Variants in RNF19A observed in about 807,000 individuals in gnomAD.
RNF19A encodes ring finger protein 19A, RBR E3 ubiquitin protein ligase, also known as E3 ubiquitin-protein ligase RNF19A.
A neutral mutation model predicts 75.7 loss-of-function variants in RNF19A; 32 were observed. That is an observed-to-expected ratio of 0.42 (90% CI 0.32 to 0.57). The LOEUF (loss-of-function observed/expected upper bound fraction) is 0.57, where lower values mean the gene tolerates loss of function less well. Among genes scored for constraint, RNF19A ranks in the 20% least tolerant of loss-of-function variants. RNF19A has a pLI of 0.10. For synonymous variants in RNF19A, 335 were observed against 345.2 expected, an observed-to-expected ratio of 0.97 and a Z score of 0.33; for missense variants, 782 against 1,036.3, an observed-to-expected ratio of 0.75 and a Z score of 3.37.
chr8:100,320,095 C>T (rs1788204344), intron 1 of RNF19A, among the ~76,000 whole-genome samples: 3 of 152,196 alleles, frequency 2.0e-5, no homozygotes, highest in Admixed American at 2.0e-4. Flanking sequence ...CTCAGCCTCC[C>T]AAAGTGCTGG....
intron 2 of RNF19A, among the ~76,000 whole-genome samples, chr8:100,278,704 A>G (rs1279849558): frequency 6.6e-6 from 1 of 152,178 alleles, no homozygotes; most frequent in African/African-American, 2.4e-5. Context: ...AGGCTGTTCA[A>G]TATACTAGTA....
chr8:100,270,856 G>C (rs1336352846), intron 3 of RNF19A, among the ~76,000 whole-genome samples: 1 of 152,066 alleles, frequency 6.6e-6, no homozygotes, highest in Non-Finnish European at 1.5e-5. Flanking sequence ...ATGCACAATG[G>C]CGTCAAGTTA....
intron 5 of RNF19A, among the ~76,000 whole-genome samples, chr8:100,265,028 G>C (rs1819906160): frequency 6.6e-6 from 1 of 152,134 alleles, no homozygotes; most frequent in Non-Finnish European, 1.5e-5. Flanking sequence ...AAAGTTCTGA[G>C]TAAAAGTCAT....
intron 3 of RNF19A, among the ~76,000 whole-genome samples, chr8:100,271,360 T>C (rs1012533402): frequency 6.6e-6 from 1 of 152,156 alleles, no homozygotes; most frequent in Non-Finnish European, 1.5e-5. Context: ...ATTTTAAACA[T>C]TGGGGTATGA....
At chr8:100,303,762 A>G (rs1166755681) in intron 1 of RNF19A, among the ~76,000 whole-genome samples, 3 of 82,812 alleles carry the variant, frequency 3.6e-5, no homozygotes, top group Non-Finnish European at 6.0e-5. Context: ...CGCCGCTTGT[A>G]AAAAAAAAAA....
Position 100,258,727 on chromosome 8 carries a change from T to C in RNF19A, c.2346A>G (p.Gln782=). The change falls in exon 10 of 10, where the codon CAA becomes CAG. Residue 782 remains glutamine (Q), a synonymous_variant. Coordinates refer to ENST00000341084, the MANE Select transcript of RNF19A (RefSeq NM_183419.4). The surrounding 1 kb of genome is among the most constrained non-coding windows in gnomAD (Gnocchi z 4.3). The part of the protein sequence containing the change: ...PHQCSISVVT[Q]TASCSEVSQL... ...GTGAAACTTCTGAACAGGAAGCAGT[T>C]TGGGTAACCACAGAAATGCTACACT... 1 of 1,614,216 alleles carries C rather than the reference T, an allele frequency of 6.2e-7. No individual in the cohort carries two copies. The highest frequency in any genetic ancestry group is 2.2e-5 in the East Asian group (1 of 44,884).
At chr8:100,307,606 A>G (rs1021869748) in intron 1 of RNF19A, among the ~76,000 whole-genome samples, 1 of 152,024 alleles carries the variant, frequency 6.6e-6, no homozygotes, top group African/African-American at 2.4e-5. Context: ...ACAAGTGATT[A>G]TTTCAAATAG....
At position 100,330,365 on chromosome 8, in the gene RNF19A, C is replaced by A. The variant is rs1822594150; in HGVS notation, c.-243+5743G>T. Among the ~76,000 whole-genome samples the A allele has an allele frequency of 6.6e-6, 1 of 152,220 alleles. No homozygotes were observed. Among genetic ancestry groups the A allele is most frequent in the Non-Finnish European group, 1.5e-5 (1 of 68,044 alleles). On this transcript the variant is annotated intron_variant, in intron 1 of 3. Transcript: ENST00000519527. The surrounding 1 kb of genome is among the most constrained non-coding windows in gnomAD (Gnocchi z 4.1). Reference sequence around the variant, plus strand: ...CTGATTTATTTGGAGACCCATCCCTCCCTCATTCTTGGTTCATAATATTAA... The same window carrying A: ...CTGATTTATTTGGAGACCCATCCCTACCTCATTCTTGGTTCATAATATTAA...
At chr8:100,271,999 T>C (rs941791937) in intron 3 of RNF19A, among the ~76,000 whole-genome samples, 1 of 152,152 alleles carries the variant, frequency 6.6e-6, no homozygotes, top group African/African-American at 2.4e-5. Flanking sequence ...ACTGCTAAAA[T>C]ATGGGCCATT....
intron 1 of RNF19A, among the ~76,000 whole-genome samples, chr8:100,318,487 C>G (rs1396603649): frequency 1.3e-5 from 2 of 152,030 alleles, no homozygotes; most frequent in African/African-American, 4.8e-5. Flanking sequence ...AATACATGCA[C>G]ACAAAAAAAT....
At position 100,288,191 on chromosome 8, in the gene RNF19A, T is replaced by G; in HGVS notation, c.-17A>C. 6.3e-7 allele frequency: 1 copy of G among 1,575,840 alleles called. No individual in the cohort carries two copies. The highest frequency in any genetic ancestry group is 1.2e-5 in the South Asian group (1 of 85,414). ...TTCTTGCATTCACATTAAGTCATGA[T>G]GTAAGAATATCCTACTTGGTTCCTT... On this transcript the variant is annotated 5_prime_UTR_variant, in exon 2 of 10. Coordinates refer to ENST00000341084, the MANE Select transcript of RNF19A (RefSeq NM_183419.4).
At chr8:100,266,913 A>G (rs2132517526) in intron 5 of RNF19A, among the ~76,000 whole-genome samples, 1 of 152,328 alleles carries the variant, frequency 6.6e-6, no homozygotes, top group Admixed American at 6.5e-5. Flanking sequence ...AATTTTTAAG[A>G]AATAGTATAT....
chr8:100,268,055 T>A (rs1820071358), intron 5 of RNF19A, among the ~76,000 whole-genome samples: 2 of 151,834 alleles, frequency 1.3e-5, no homozygotes, highest in South Asian at 2.1e-4. Flanking sequence ...TTTTATTTTT[T>A]AAAAAAAGTT....
Position 100,275,975 on chromosome 8 carries a change from G to T in RNF19A, c.675-814C>A, listed in dbSNP as rs569829464. On this transcript the variant is annotated intron_variant, in intron 2 of 9. Coordinates refer to ENST00000341084, the MANE Select transcript of RNF19A (RefSeq NM_183419.4). The surrounding 1 kb of genome is among the most constrained non-coding windows in gnomAD (Gnocchi z 4.3). The stretch of plus-strand genomic sequence containing the variant: ...TCCTGCCAAAAAATAAAAAAAAACT[G>T]TTTTTTTTTCCTTCGGATTAAAGAC... 4.7e-5 allele frequency among the ~76,000 whole-genome samples: 7 copies of T among 149,820 alleles called. No individual in the cohort carries two copies. Among genetic ancestry groups the T allele is most frequent in the South Asian group, 2.1e-4 (1 of 4,722 alleles).
chr8:100,323,573 C>T lies in RNF19A; in HGVS notation c.-242-10201G>A, dbSNP rs1822491115. On this transcript the variant is annotated intron_variant, in intron 1 of 3. Coordinates refer to the RNF19A transcript ENST00000519527. This position sits in a 1 kb window ranked among gnomAD's most constrained non-coding sequence, Gnocchi z 4.6. ...ACCAAAAACAATTCTGTTTCTAGTA[C>T]GGCTCCAGTTTTTAAAATTTCATCT... Among the ~76,000 whole-genome samples, 1 of 152,174 alleles carries T rather than the reference C, an allele frequency of 6.6e-6. No individual in the cohort carries two copies. The highest frequency in any genetic ancestry group is 2.4e-5 in the African/African-American group (1 of 41,448).
rs913673440 is a variant in RNF19A, at chr8:100,333,383, C to A, written c.-243+2725G>T. On this transcript the variant is annotated intron_variant, in intron 1 of 3. Transcript: ENST00000519527. The surrounding 1 kb of genome is among the most constrained non-coding windows in gnomAD (Gnocchi z 4.7). ...CAGCTGTTGTCTTATAAGTAAATCACAGTGCATCTATACCAAGGAAGTTCA... is the reference window on the plus strand; with the variant it reads ...CAGCTGTTGTCTTATAAGTAAATCAAAGTGCATCTATACCAAGGAAGTTCA... 6.6e-6 allele frequency among the ~76,000 whole-genome samples: 1 copy of A among 152,208 alleles called. No individual in the cohort carries two copies. Among genetic ancestry groups the A allele is most frequent in the African/African-American group, 2.4e-5 (1 of 41,444 alleles).
chr8:100,276,662 G>A (rs1444595560), intron 2 of RNF19A, among the ~76,000 whole-genome samples: 2 of 144,066 alleles, frequency 1.4e-5, no homozygotes, highest in East Asian at 2.0e-4. Context: ...GGCTGAGGCA[G>A]AACTGCTTGA....
At chr8:100,326,803 A>G (rs146473099) in intron 1 of RNF19A, among the ~76,000 whole-genome samples, 54 of 152,366 alleles carry the variant, frequency 3.5e-4, no homozygotes, top group African/African-American at 1.3e-3. Context: ...TGTATCAAAC[A>G]CAAAACTGTA....
chr8:100,282,705 A>G (rs1820837794), intron 2 of RNF19A, among the ~76,000 whole-genome samples: 1 of 152,234 alleles, frequency 6.6e-6, no homozygotes, highest in Non-Finnish European at 1.5e-5. Context: ...TAAAAGGTCT[A>G]CAACAGCATT....
Sources: gnomAD v4.1 joint callset for allele counts (sites outside exome capture counted in the v4.1 genomes callset) on GRCh38, gnomAD v4.1.1 for gene constraint, Gnocchi (gnomAD v3.1) non-coding constraint, MANE v1.5 for transcripts, NCBI Gene and HGNC (gene_info 2026-07-23, HGNC 2026-07-21) for gene names.